CES4A: variants seen among roughly 807,000 people sequenced by gnomAD.
CES4A encodes carboxylesterase 6.
In CES4A, 48 loss-of-function variants were observed where a neutral mutation model predicts 65.4. That is an observed-to-expected ratio of 0.73 (90% CI 0.58 to 0.93). CES4A has a LOEUF of 0.93. Ranked by LOEUF, CES4A falls within the 40% of genes least tolerant of loss-of-function variation. The pLI is 0.00. For synonymous variants in CES4A, 247 were observed against 281.8 expected, an observed-to-expected ratio of 0.88 and a Z score of 1.24; for missense variants, 685 against 728.5, an observed-to-expected ratio of 0.94 and a Z score of 0.69.
exon 13 of CES4A, chr16:67,006,809 C>T: frequency 1.2e-6 from 2 of 1,614,010 alleles, no homozygotes; most frequent in Non-Finnish European, 1.7e-6. Context: ...CCAACTTTGC[C>T]CGCACAGGGT....
downstream of CES4A, among the ~76,000 whole-genome samples, chr16:67,010,065 G>GTT (rs559214962): frequency 1.3e-4 from 18 of 136,972 alleles, no homozygotes; most frequent in Non-Finnish European, 2.1e-4. Context: ...GTTTTGTGGG[G>GTT]TTTTTTTTTT....
intron 1 of CES4A, 22 bp from the exon 2 acceptor site, chr16:66,995,606 C>T: frequency 1.2e-6 from 2 of 1,607,484 alleles, no homozygotes; most frequent in African/African-American, 2.7e-5. Context: ...GCAGAGGTGA[C>T]CCTTTTCCCT....
chr16:66,991,166 A>G (rs1313865700), intron 1 of CES4A, among the ~76,000 whole-genome samples: 1 of 152,138 alleles, frequency 6.6e-6, no homozygotes, highest in African/African-American at 2.4e-5. Flanking sequence ...CTGGGATTAC[A>G]GGCACGCACC....
intron 13 of CES4A, 84 bp downstream of exon 13, chr16:67,006,901 C>T: frequency 3.0e-6 from 4 of 1,342,808 alleles, no homozygotes; most frequent in Non-Finnish European, 4.2e-6. Context: ...ATATTTGCCC[C>T]AGCATGTCCT....
At position 66,994,655 on chromosome 16, in the gene CES4A, T is replaced by C. The variant is rs781148948; in HGVS notation, c.59-973T>C. Among the ~76,000 whole-genome samples, 181 of 143,994 alleles carry C rather than the reference T, an allele frequency of 1.3e-3. 1 individual carries two copies. The highest frequency in any genetic ancestry group is 4.1e-3 in the African/African-American group (160 of 39,218). The allele number at this position is 143,994 out of a possible 152,430, so 94.5% of individuals were successfully genotyped here. A position where few individuals can be genotyped will look rare whatever the true frequency, so the allele number is the denominator to read the frequency against. ...AGGAGATAGAGACCATCCTGGCTAG[T>C]ACGGTGAAACCCCATCTCTACTAAA... is the stretch of plus-strand genomic sequence containing the variant. On this transcript the variant is annotated intron_variant, in intron 1 of 13. Transcript: ENST00000648724.
intron 13 of CES4A, chr16:67,008,269 A>C (rs988090955): frequency 6.6e-6 from 1 of 152,194 alleles, no homozygotes; most frequent in Non-Finnish European, 1.5e-5. Flanking sequence ...CTCCTGTTTA[A>C]AACTCTTCAT....
At chr16:67,005,653 C>A in intron 11 of CES4A, 1 of 393,760 alleles carries the variant, frequency 2.5e-6, no homozygotes, top group Non-Finnish European at 4.5e-6. Flanking sequence ...TCTAGACCAG[C>A]CTCACCAACA....
intron 1 of CES4A, among the ~76,000 whole-genome samples, chr16:66,990,665 T>C (rs1458587872): frequency 6.6e-6 from 1 of 151,466 alleles, no homozygotes; most frequent in African/African-American, 2.4e-5. Context: ...TGCCACTGCC[T>C]TCCAGCCTGG....
At chr16:66,988,725 T>A in exon 1 of CES4A, 1 of 1,552,284 alleles carries the variant, frequency 6.4e-7, no homozygotes, top group Non-Finnish European at 8.7e-7. Flanking sequence ...AGTGTTGCCA[T>A]CCACAGTGTT....
Position 67,003,644 on chromosome 16 carries a change from G to T in CES4A, c.939+91G>T. ...ATACTTAGGGAATTGTTCAGGCCAA[G>T]ATCCCTTCCCTAGTGGAGCTGATGT... On this transcript the variant is annotated intron_variant, in intron 8 of 13. Transcript: ENST00000648724. The surrounding 1 kb of genome is among the most constrained non-coding windows in gnomAD (Gnocchi z 4.2). 3 of 1,037,582 alleles carry T rather than the reference G, an allele frequency of 2.9e-6. No individual in the cohort carries two copies. Among genetic ancestry groups the T allele is most frequent in the East Asian group, 4.7e-5 (2 of 42,208 alleles). 64.3% of individuals were successfully genotyped at this position (1,037,582 alleles called of 1,614,324 possible).
chr16:67,001,180 G>A lies in CES4A; in HGVS notation c.537-128G>A, dbSNP rs936996117. On this transcript the variant is annotated intron_variant, in intron 4 of 13. Coordinates refer to ENST00000648724, the Ensembl canonical transcript of CES4A. This position sits in a 1 kb window ranked among gnomAD's most constrained non-coding sequence, Gnocchi z 4.1. ...ATGGGGCGAGCTAACTCCAAGGAAG[G>A]GGGTGTGGTCGCAGGACTGGGTCTT... 43 of 1,372,790 alleles carry A rather than the reference G, an allele frequency of 3.1e-5. No homozygotes were observed. Among genetic ancestry groups the A allele is most frequent in the Non-Finnish European group, 3.1e-5 (32 of 1,032,534 alleles). The allele number at this position is 1,372,790 out of a possible 1,614,324, so 85.0% of individuals were successfully genotyped here.
rs374790706 is a variant in CES4A at position 66,995,953 on chromosome 16, C to T, written c.260+124C>T. ...ATCACAGGCAGGCCTGGGGCCCATT[C>T]TGGGCCTCAGTTTTCAGACCCGTAT... On this transcript the variant is annotated intron_variant, in intron 2 of 13. Transcript: ENST00000648724. 5.7e-5 allele frequency: 52 copies of T among 915,884 alleles called. No homozygotes were observed. In the African/African-American group the frequency reaches 7.9e-4, roughly 14 times the overall value. 56.7% of individuals were successfully genotyped at this position (915,884 alleles called of 1,614,324 possible).
chr16:66,992,139 C>T (rs1283816656), intron 1 of CES4A, among the ~76,000 whole-genome samples: 53 of 152,198 alleles, frequency 3.5e-4, no homozygotes, highest in Non-Finnish European at 1.2e-4. Flanking sequence ...AGACTGCAGG[C>T]TGGTCACGGC....
intron 13 of CES4A, 145 bp from the exon 14 acceptor site, chr16:67,008,829 A>G (rs1965973780): frequency 1.3e-6 from 1 of 792,230 alleles, no homozygotes; most frequent in Non-Finnish European, 2.1e-6. Flanking sequence ...ACACTTTCCT[A>G]CTCTTTATTA....
rs1008169894 is a variant in CES4A at position 67,004,654 on chromosome 16, T to C, written c.1081-139T>C. Reference sequence around the variant, plus strand: ...GGAGCAGGGGGACAAGAGAGAGTCATGGGCCCTTCCTGGGCTGTGTGCTGT... The same window carrying C: ...GGAGCAGGGGGACAAGAGAGAGTCACGGGCCCTTCCTGGGCTGTGTGCTGT... On this transcript the variant is annotated intron_variant, in intron 9 of 13. Coordinates refer to ENST00000648724, the Ensembl canonical transcript of CES4A. 1.4e-4 allele frequency: 97 copies of C among 686,178 alleles called. 2 individuals carry two copies. The highest frequency in any genetic ancestry group is 1.3e-3 in the South Asian group (75 of 57,156). The allele number at this position is 686,178 out of a possible 1,614,324, so 42.5% of individuals were successfully genotyped here. A position where few individuals can be genotyped will look rare whatever the true frequency, so the allele number is the denominator to read the frequency against.
exon 14 of CES4A, chr16:67,009,299 T>G: frequency 4.4e-6 from 3 of 688,702 alleles, no homozygotes; most frequent in Non-Finnish European, 7.1e-6. Flanking sequence ...CTAGAGCTTT[T>G]GCCTGTTGTG....
At chr16:66,996,975 G>A (rs1693488898) in intron 2 of CES4A, among the ~76,000 whole-genome samples, 1 of 151,234 alleles carries the variant, frequency 6.6e-6, no homozygotes, top group African/African-American at 2.4e-5. Context: ...AGGCTCACTT[G>A]ATCAAAGCCC....
intron 2 of CES4A, among the ~76,000 whole-genome samples, chr16:66,998,435 T>C (rs142827278): frequency 6.6e-6 from 1 of 151,922 alleles, no homozygotes; most frequent in East Asian, 1.9e-4. Context: ...ACAAAAAAAT[T>C]AAAAATTATC....
rs1361586659 is a variant in CES4A at position 67,006,024 on chromosome 16, G to A, written c.1316-367G>A. 1.7e-5 allele frequency: 4 copies of A among 232,460 alleles called. No individual in the cohort carries two copies. The East Asian group carries it at 4.1e-4, about 24-fold the overall frequency. 14.4% of individuals were successfully genotyped at this position (232,460 alleles called of 1,614,324 possible). A position where few individuals can be genotyped will look rare whatever the true frequency, so the allele number is the denominator to read the frequency against. On this transcript the variant is annotated intron_variant, in intron 11 of 13. Coordinates refer to ENST00000648724, the Ensembl canonical transcript of CES4A. ...TGACTGGGGCTAGGGGAACATGTGGGTAACAGGTTAAAGGGGGGGGGGCTG... is the reference window on the plus strand; with the variant it reads ...TGACTGGGGCTAGGGGAACATGTGGATAACAGGTTAAAGGGGGGGGGGCTG...
Sources: allele counts gnomAD v4.1 joint callset (sites outside exome capture counted in the v4.1 genomes callset), GRCh38; gene constraint gnomAD v4.1.1; non-coding constraint Gnocchi (gnomAD v3.1); transcripts MANE v1.5; gene names NCBI Gene and HGNC (gene_info 2026-07-23, HGNC 2026-07-21).